The following LSAMP variants were observed in gnomAD, a reference collection of about 807,000 sequenced individuals.
The protein encoded by LSAMP is limbic system-associated membrane protein.
Under a neutral mutation model 38.6 loss-of-function variants are expected in LSAMP, and 7 were observed. The observed-to-expected ratio is 0.18, with a 90% CI of 0.10 to 0.34. The LOEUF (loss-of-function observed/expected upper bound fraction) is 0.34, where lower values mean the gene tolerates loss of function less well. Among genes scored for constraint, LSAMP ranks in the 10% least tolerant of loss-of-function variants. LSAMP has a pLI of 1.00. For synonymous variants in LSAMP, 154 were observed against 166.8 expected, an observed-to-expected ratio of 0.92 and a Z score of 0.59; for missense variants, 313 against 420.0, an observed-to-expected ratio of 0.75 and a Z score of 2.23.
intron 1 of LSAMP, among the ~76,000 whole-genome samples, chr3:116,296,188 TTTC>T (rs1331694708): frequency 2.0e-5 from 3 of 152,228 alleles, no homozygotes; most frequent in Non-Finnish European, 4.4e-5. Flanking sequence ...TAAAGAAGAC[TTTC>T]TTCTTAGCTG....
intron 1 of LSAMP, among the ~76,000 whole-genome samples, chr3:116,303,572 T>A (rs1238565105): frequency 6.6e-6 from 1 of 152,204 alleles, no homozygotes; most frequent in Non-Finnish European, 1.5e-5. Context: ...TGAAGAGCAC[T>A]GAGTTATTCC....
At chr3:115,876,330 A>G (rs1936179889) in intron 3 of LSAMP, among the ~76,000 whole-genome samples, 2 of 142,658 alleles carry the variant, frequency 1.4e-5, no homozygotes, top group Admixed American at 1.4e-4. Flanking sequence ...TTGCATAGGG[A>G]TCATTAACTT....
At chr3:115,996,318 A>T (rs762795070) in intron 3 of LSAMP, among the ~76,000 whole-genome samples, 22 of 152,144 alleles carry the variant, frequency 1.4e-4, no homozygotes, top group Non-Finnish European at 2.6e-4. Flanking sequence ...GTAGAATAGC[A>T]TCCAGTTAGT....
intron 2 of LSAMP, among the ~76,000 whole-genome samples, chr3:116,065,606 T>C (rs1364730420): frequency 6.6e-6 from 1 of 152,224 alleles, no homozygotes; most frequent in Non-Finnish European, 1.5e-5. Flanking sequence ...AAATAGGGAC[T>C]GTAATATCTA....
chr3:115,873,514 T>A (rs1460539228), intron 3 of LSAMP, among the ~76,000 whole-genome samples: 1 of 152,016 alleles, frequency 6.6e-6, no homozygotes, highest in African/African-American at 2.4e-5. Flanking sequence ...GAGAGGAAAG[T>A]ATTCCAAAAT....
At chr3:116,027,707 T>A (rs1940825320) in intron 2 of LSAMP, among the ~76,000 whole-genome samples, 1 of 152,152 alleles carries the variant, frequency 6.6e-6, no homozygotes, top group Admixed American at 6.6e-5. Flanking sequence ...CAACCTTAGA[T>A]CTACAAAGCC....
rs117880644 is a variant in LSAMP, at chr3:115,944,279, C to T, written c.514+75236G>A. On this transcript the variant is annotated intron_variant, in intron 3 of 6. Transcript: ENST00000490035. ...CTCATTGAAAGTAAGAACATATCGA[C>T]CCTAGGCAATTAAAGACAATCTCTT... 2.0e-4 allele frequency among the ~76,000 whole-genome samples: 30 copies of T among 152,230 alleles called. No individual in the cohort carries two copies. The East Asian group carries it at 5.2e-3, about 26-fold the overall frequency.
intron 1 of LSAMP, among the ~76,000 whole-genome samples, chr3:116,391,310 C>T (rs2048693018): frequency 1.3e-5 from 2 of 151,902 alleles, no homozygotes; most frequent in Admixed American, 1.3e-4. Context: ...CCCCGTGCCC[C>T]ATGTCCCCGA....
In LSAMP at chr3:115,954,531, A is replaced by C. The variant is rs926323705; in HGVS notation, c.514+64984T>G. Among the ~76,000 whole-genome samples, 39 of 152,228 alleles carry C rather than the reference A, an allele frequency of 2.6e-4. 1 individual carries two copies. Among genetic ancestry groups the C allele is most frequent in the Admixed American group, 2.1e-3 (32 of 15,290 alleles). On this transcript the variant is annotated intron_variant, in intron 3 of 6. Transcript: ENST00000490035. ...CAAATGGAAACAGAAAAAGTACAAAAGTCTGATACATTCCTCTTTGACACA... is the reference window on the plus strand; with the variant it reads ...CAAATGGAAACAGAAAAAGTACAAACGTCTGATACATTCCTCTTTGACACA...
intron 1 of LSAMP, among the ~76,000 whole-genome samples, chr3:116,183,055 T>C (rs1710525458): frequency 6.6e-6 from 1 of 151,864 alleles, no homozygotes; most frequent in Admixed American, 6.6e-5. Context: ...TTTGGCCTTA[T>C]TGATAGATTT....
At chr3:115,869,983 T>C (rs1935982292) in intron 3 of LSAMP, among the ~76,000 whole-genome samples, 2 of 152,106 alleles carry the variant, frequency 1.3e-5, no homozygotes, top group Admixed American at 1.3e-4. Context: ...TCTGAGTGAT[T>C]TTGTATAGCT....
At chr3:116,032,645 G>GA (rs894733088) in intron 2 of LSAMP, among the ~76,000 whole-genome samples, 8 of 151,742 alleles carry the variant, frequency 5.3e-5, no homozygotes, top group Middle Eastern at 3.4e-3. Flanking sequence ...AAAATTTATG[G>GA]AAAAAAAATT....
At chr3:116,190,875 G>A (rs1291874015) in intron 1 of LSAMP, among the ~76,000 whole-genome samples, 11 of 152,094 alleles carry the variant, frequency 7.2e-5, no homozygotes, top group Admixed American at 2.6e-4. Flanking sequence ...TAGAGTTCAC[G>A]TCTATTCCAG....
At chr3:116,354,564 A>AT (rs2048193791) in intron 1 of LSAMP, among the ~76,000 whole-genome samples, 1 of 152,212 alleles carries the variant, frequency 6.6e-6, no homozygotes, top group African/African-American at 2.4e-5. Context: ...CAATTATAAA[A>AT]TTTTACAGCT....
At chr3:116,275,431 C>T (rs986697905) in intron 1 of LSAMP, among the ~76,000 whole-genome samples, 4 of 152,098 alleles carry the variant, frequency 2.6e-5, no homozygotes, top group Non-Finnish European at 5.9e-5. Flanking sequence ...CAACCTTGGT[C>T]ATTTTTATAG....
At chr3:116,282,727 C>T (rs2047142272) in intron 1 of LSAMP, among the ~76,000 whole-genome samples, 1 of 151,732 alleles carries the variant, frequency 6.6e-6, no homozygotes, top group African/African-American at 2.4e-5. Context: ...TAGAAGGTTT[C>T]CCATTAACTT....
chr3:115,946,794 T>C (rs1390835884), intron 3 of LSAMP, among the ~76,000 whole-genome samples: 1 of 151,990 alleles, frequency 6.6e-6, no homozygotes, highest in Non-Finnish European at 1.5e-5. Flanking sequence ...GTCACTATAA[T>C]CTCAATAAGA....
chr3:115,819,605 A>G (rs969490035), intron 6 of LSAMP, among the ~76,000 whole-genome samples: 2 of 152,166 alleles, frequency 1.3e-5, no homozygotes, highest in Non-Finnish European at 2.9e-5. Context: ...TCAACTAGAG[A>G]AAGTTGATTA....
intron 1 of LSAMP, among the ~76,000 whole-genome samples, chr3:116,363,813 C>A (rs1259378581): frequency 1.5e-4 from 22 of 149,008 alleles, no homozygotes; most frequent in Admixed American, 5.3e-4. Flanking sequence ...ATTCAACAAC[C>A]CTTCATGCTA....
Sources: gnomAD v4.1 joint callset for allele counts (sites outside exome capture counted in the v4.1 genomes callset) on GRCh38, gnomAD v4.1.1 for gene constraint, MANE v1.5 for transcripts, NCBI Gene and HGNC (gene_info 2026-07-23, HGNC 2026-07-21) for gene names.